AP3B2: variants seen among roughly 807,000 people sequenced by gnomAD.
AP3B2 encodes adaptor related protein complex 3 subunit beta 2, also known as AP-3 complex subunit beta-2.
Under a neutral mutation model 126.9 loss-of-function variants are expected in AP3B2, and 50 were observed. That is an observed-to-expected ratio of 0.39 (90% CI 0.31 to 0.50). The LOEUF (loss-of-function observed/expected upper bound fraction) is 0.50, where lower values mean the gene tolerates loss of function less well. AP3B2 is among the 20% of genes least tolerant of loss of function. AP3B2 has a pLI of 0.79. For missense variants in AP3B2, 1,177 were observed against 1,426.4 expected, an observed-to-expected ratio of 0.83 and a Z score of 2.82; for synonymous variants, 541 against 565.0, an observed-to-expected ratio of 0.96 and a Z score of 0.60.
rs974354410 is a variant in AP3B2, at chr15:82,659,424, AG to A, written c.*135del. ...ATTAGGGGAGGGCTTGGTCCTCCAG[AG>A]GGAGAGAGGACACCCTGAATGCTAT... On this transcript the variant is annotated 3_prime_UTR_variant, in exon 27 of 27. Transcript: ENST00000535359. 2 of 1,182,620 alleles carry A rather than the reference AG, an allele frequency of 1.7e-6. No homozygotes were observed. Among genetic ancestry groups the A allele is most frequent in the African/African-American group, 3.0e-5 (2 of 66,382 alleles). 73.3% of individuals were successfully genotyped at this position (1,182,620 alleles called of 1,614,324 possible). A position where few individuals can be genotyped will look rare whatever the true frequency, so the allele number is the denominator to read the frequency against.
At chr15:82,679,925 C>T in intron 9 of AP3B2, 125 bp from the exon 10 acceptor site, 2 of 954,174 alleles carry the variant, frequency 2.1e-6, no homozygotes, top group Non-Finnish European at 3.3e-6. Flanking sequence ...GCCCTCCACT[C>T]CTCAAGTCTT....
chr15:82,709,121 G>A (rs2048838874), intron 1 of AP3B2, among the ~76,000 whole-genome samples: 1 of 152,044 alleles, frequency 6.6e-6, no homozygotes, highest in East Asian at 1.9e-4. Context: ...CAGAGGGAGG[G>A]GAAATGAATT....
At chr15:82,678,034 T>G (rs567251672) in intron 11 of AP3B2, 71 bp downstream of exon 11, 2 of 1,547,528 alleles carry the variant, frequency 1.3e-6, no homozygotes, top group Non-Finnish European at 1.8e-6. Context: ...TAAGAGGAGG[T>G]TTACCCACCA....
intron 25 of AP3B2, among the ~76,000 whole-genome samples, chr15:82,661,587 G>T (rs930428255): frequency 6.6e-6 from 1 of 152,124 alleles, no homozygotes; most frequent in African/African-American, 2.4e-5. Context: ...AGCCATACTC[G>T]TTCATTTACA....
chr15:82,705,768 A>G (rs1282409723), intron 1 of AP3B2, among the ~76,000 whole-genome samples: 1 of 152,230 alleles, frequency 6.6e-6, no homozygotes, highest in Middle Eastern at 3.4e-3. Context: ...CCTTCTACAA[A>G]GCAACAACTC....
intron 24 of AP3B2, 44 bp from the exon 25 acceptor site, chr15:82,661,966 C>T (rs781686756): frequency 6.4e-7 from 1 of 1,553,596 alleles, no homozygotes; most frequent in Non-Finnish European, 8.8e-7. Flanking sequence ...AGGCTGTCAT[C>T]TCTCCCCTCA....
At position 82,662,190 on chromosome 15, in the gene AP3B2, G is replaced by C; in HGVS notation, c.2896C>G (p.Gln966Glu). The part of the protein sequence containing the change: ...VMGINFCDST[Q>E]AANFQLCTQT... ...TACCACAGCTGGAAGTTGGCTGCCT[G>C]GGTTGAGTCACAGAAATTAATGCCC... The change falls in exon 24 of 27, where the codon CAG becomes GAG. Residue 966 changes from glutamine (Q) to glutamate (E), a missense_variant. Gln to Glu is a conservative substitution (Grantham distance 29). Coordinates refer to ENST00000535359, the MANE Select transcript of AP3B2 (RefSeq NM_001278512.2). 1 of 1,602,994 alleles carries C rather than the reference G, an allele frequency of 6.2e-7. No homozygotes were observed. The highest frequency in any genetic ancestry group is 8.5e-7 in the Non-Finnish European group (1 of 1,174,650).
intron 1 of AP3B2, among the ~76,000 whole-genome samples, chr15:82,702,215 A>C (rs938191439): frequency 3.3e-5 from 5 of 152,126 alleles, no homozygotes; most frequent in African/African-American, 9.7e-5. Flanking sequence ...CCAGCTACCT[A>C]ATAGGGTAAT....
intron 14 of AP3B2, among the ~76,000 whole-genome samples, chr15:82,671,916 C>T (rs1024638842): frequency 3.3e-5 from 5 of 151,864 alleles, no homozygotes; most frequent in Admixed American, 2.0e-4. Context: ...TGGTGGCGGG[C>T]GCCTGTAATC....
chr15:82,683,054 T>G lies in AP3B2; in HGVS notation c.361-1474A>C, dbSNP rs1029427214. The stretch of plus-strand genomic sequence containing the variant: ...ACAGCATCTGCACCAGGAGTTTTTT[T>G]TTTTTTTTTTTTTTTTTTTTTTGTA... On this transcript the variant is annotated intron_variant, in intron 4 of 26. Transcript: ENST00000535359. 9.3e-5 allele frequency among the ~76,000 whole-genome samples: 7 copies of G among 75,650 alleles called. 1 individual carries two copies. Among genetic ancestry groups the G allele is most frequent in the South Asian group, 6.8e-4 (2 of 2,926 alleles). 49.6% of individuals were successfully genotyped at this position (75,650 alleles called of 152,430 possible). A position where few individuals can be genotyped will look rare whatever the true frequency, so the allele number is the denominator to read the frequency against.
chr15:82,693,472 C>G (rs1332707836), intron 1 of AP3B2, among the ~76,000 whole-genome samples: 1 of 151,694 alleles, frequency 6.6e-6, no homozygotes, highest in Non-Finnish European at 1.5e-5. Flanking sequence ...GTCTCAAACT[C>G]CTGACCTCAA....
At position 82,664,223 on chromosome 15, in the gene AP3B2, A is replaced by C; in HGVS notation, c.2261+144T>G. On this transcript the variant is annotated intron_variant, in intron 19 of 26. Transcript: ENST00000535359. The surrounding 1 kb of genome is among the most constrained non-coding windows in gnomAD (Gnocchi z 4.5). Reference sequence around the variant, plus strand: ...TCAGAGATCTCCTGCAGCCAGCGAAAGTAGGCGTCATGTGAGCTGACAGCC... The same window carrying C: ...TCAGAGATCTCCTGCAGCCAGCGAACGTAGGCGTCATGTGAGCTGACAGCC... The C allele has an allele frequency of 7.3e-7, 1 of 1,374,170 alleles. No individual in the cohort carries two copies. Among genetic ancestry groups the C allele is most frequent in the East Asian group, 2.4e-5 (1 of 40,972 alleles). The allele number at this position is 1,374,170 out of a possible 1,614,324, so 85.1% of individuals were successfully genotyped here.
chr15:82,666,858 A>C lies in AP3B2; in HGVS notation c.1741T>G (p.Phe581Val). The change falls in exon 15 of 27, where the codon TTC (phenylalanine) becomes GTC (valine). Residue 581 changes from phenylalanine to valine, a missense_variant. Phe to Val is a conservative substitution (Grantham distance 50). Coordinates refer to ENST00000535359, the MANE Select transcript of AP3B2 (RefSeq NM_001278512.2). ...QNYDIRDRAR[F>V]TRQLIVPSEQ... is the part of the protein sequence containing the mutation. ...GAAGGGACGATGAGCTGCCGGGTGA[A>C]GCGCGCCCGGTCGCGAATATCATAG... 1 of 1,613,990 alleles carries C rather than the reference A, an allele frequency of 6.2e-7. No homozygotes were observed. Among genetic ancestry groups the C allele is most frequent in the Non-Finnish European group, 8.5e-7 (1 of 1,179,878 alleles).
At chr15:82,701,819 TCTC>T (rs2048723422) in intron 1 of AP3B2, among the ~76,000 whole-genome samples, 2 of 152,210 alleles carry the variant, frequency 1.3e-5, no homozygotes, top group African/African-American at 4.8e-5. Flanking sequence ...TAGCTCCTGT[TCTC>T]CTTACTTTGC....
At position 82,680,521 on chromosome 15, in the gene AP3B2, C is replaced by CCTTGG; in HGVS notation, c.1005_1006insCCAAG (p.Glu336ProfsTer44). The CCTTGG allele has an allele frequency of 6.5e-7, 1 of 1,539,896 alleles. No individual in the cohort carries two copies. The highest frequency in any genetic ancestry group is 8.7e-7 in the Non-Finnish European group (1 of 1,148,792). ...AGCGCCTTGGCGATGACGCCCACTT[C>CCTTGG]CGCCTTGGGCGCCAGGTGGAAGTAG... is the stretch of plus-strand genomic sequence containing the variant. On this transcript the variant is annotated frameshift_variant, in exon 8 of 27. Transcript: ENST00000535359. LOFTEE classifies it high-confidence loss of function. The surrounding 1 kb of genome is among the most constrained non-coding windows in gnomAD (Gnocchi z 6.1).
In AP3B2 at chr15:82,680,737, TCTC is replaced by T; in HGVS notation, c.787_789del (p.Glu263del). On this transcript the variant is annotated inframe_deletion, in exon 8 of 27. Coordinates refer to ENST00000535359, the MANE Select transcript of AP3B2 (RefSeq NM_001278512.2). This position sits in a 1 kb window ranked among gnomAD's most constrained non-coding sequence, Gnocchi z 6.1. ...GAGCCGTAGAAGGCTTTTTCCGCGT[TCTC>T]CTCTAGTAGGGATTCCTGGACGGGG... The T allele has an allele frequency of 1.3e-6, 2 of 1,570,200 alleles. No individual in the cohort carries two copies. The highest frequency in any genetic ancestry group is 1.7e-4 in the Middle Eastern group (1 of 5,868).
In AP3B2 at chr15:82,681,588, C is replaced by T. The variant is rs201123361; in HGVS notation, c.361-8G>A. 1.2e-6 allele frequency: 2 copies of T among 1,611,886 alleles called. No homozygotes were observed. The highest frequency in any genetic ancestry group is 1.7e-6 in the Non-Finnish European group (2 of 1,179,520). ...AATCAGCTGGTTGGGATCCTAAAGG[C>T]AGAGGTGGAGGCAGAGCTATGAAAG... is the stretch of plus-strand genomic sequence containing the variant. On this transcript the variant is annotated splice_region_variant and splice_polypyrimidine_tract_variant and intron_variant, in intron 4 of 26. Transcript: ENST00000535359. This position sits in a 1 kb window ranked among gnomAD's most constrained non-coding sequence, Gnocchi z 4.0.
Position 82,664,359 on chromosome 15 carries a change from C to A in AP3B2, c.2261+8G>T, listed in dbSNP as rs748368580. ...CCCCACCAGCCATCTGGCTAGCTCC[C>A]TTCTCACCTCTCACTGCCTCTCCCT... On this transcript the variant is annotated splice_region_variant and intron_variant, in intron 19 of 26. Coordinates refer to ENST00000535359, the MANE Select transcript of AP3B2 (RefSeq NM_001278512.2). The surrounding 1 kb of genome is among the most constrained non-coding windows in gnomAD (Gnocchi z 4.5). The A allele has an allele frequency of 6.2e-7, 1 of 1,613,830 alleles. No homozygotes were observed. The highest frequency in any genetic ancestry group is 8.5e-7 in the Non-Finnish European group (1 of 1,179,872).
chr15:82,670,156 C>T (rs2048132660), intron 14 of AP3B2, among the ~76,000 whole-genome samples: 1 of 119,514 alleles, frequency 8.4e-6, no homozygotes, highest in Non-Finnish European at 1.6e-5. Flanking sequence ...GTCCCCTAGG[C>T]TGGAGTGCAG....
Sources: allele counts gnomAD v4.1 joint callset (sites outside exome capture counted in the v4.1 genomes callset), GRCh38; gene constraint gnomAD v4.1.1; non-coding constraint Gnocchi (gnomAD v3.1); transcripts MANE v1.5; gene names NCBI Gene and HGNC (gene_info 2026-07-23, HGNC 2026-07-21).